Variants in CNTNAP2 observed in about 807,000 individuals in gnomAD.
CNTNAP2 encodes contactin associated protein 2.
Under a neutral mutation model 155.2 loss-of-function variants are expected in CNTNAP2, and 98 were observed. The observed-to-expected ratio is 0.63, with a 90% CI of 0.54 to 0.75. The LOEUF (loss-of-function observed/expected upper bound fraction) is 0.75. Among genes scored for constraint, CNTNAP2 ranks in the 30% least tolerant of loss-of-function variants. The pLI is 0.00. For missense variants in CNTNAP2, 1,727 were observed against 1,688.1 expected (o/e 1.02, Z -0.40); for synonymous variants, 651 against 631.2 (o/e 1.03, Z -0.47).
chr7:148,385,841 G>C (rs547805733), intron 22 of CNTNAP2, among the ~76,000 whole-genome samples: 1 of 145,432 alleles, frequency 6.9e-6, no homozygotes, highest in African/African-American at 2.6e-5. Context: ...GGGTTTAAGC[G>C]ATTCTCCTGC....
intron 1 of CNTNAP2, among the ~76,000 whole-genome samples, chr7:146,332,917 ATTTCTTCTTCTT>A (rs1801208586): frequency 6.8e-6 from 1 of 148,076 alleles, no homozygotes; most frequent in Non-Finnish European, 1.5e-5. Flanking sequence ...CCTGAGGGCA[ATTTCTTCTTCTT>A]TTTCTTCTTC....
intron 1 of CNTNAP2, among the ~76,000 whole-genome samples, chr7:146,758,079 C>A (rs1056875578): frequency 6.6e-6 from 1 of 152,158 alleles, no homozygotes; most frequent in African/African-American, 2.4e-5. Flanking sequence ...ATTCAGAAAT[C>A]TTTAATTGTT....
intron 13 of CNTNAP2, among the ~76,000 whole-genome samples, chr7:147,848,563 C>G (rs528596468): frequency 9.9e-5 from 15 of 151,612 alleles, no homozygotes; most frequent in Admixed American, 7.2e-4. Flanking sequence ...TCTTCTGCGT[C>G]ACTCACGCTG....
At chr7:147,183,562 AGTGT>A (rs112187548) in intron 8 of CNTNAP2, among the ~76,000 whole-genome samples, 96 of 151,366 alleles carry the variant, frequency 6.3e-4, no homozygotes, top group African/African-American at 2.2e-3. Context: ...TTGTTAAATA[AGTGT>A]GTGTGTGTGT....
intron 13 of CNTNAP2, among the ~76,000 whole-genome samples, chr7:147,763,698 C>T (rs1233225155): frequency 6.6e-6 from 1 of 152,190 alleles, no homozygotes; most frequent in Non-Finnish European, 1.5e-5. Context: ...CCAAGCCCTT[C>T]TTGCTTCAGT....
intron 13 of CNTNAP2, among the ~76,000 whole-genome samples, chr7:147,782,067 A>C (rs1262075182): frequency 6.6e-6 from 1 of 151,830 alleles, no homozygotes; most frequent in African/African-American, 2.4e-5. Context: ...GGTGACTATG[A>C]AGTAGAATCT....
intron 12 of CNTNAP2, among the ~76,000 whole-genome samples, chr7:147,625,015 A>G (rs2116899102): frequency 6.6e-6 from 1 of 152,324 alleles, no homozygotes; most frequent in African/African-American, 2.4e-5. Flanking sequence ...CAGAAAGACA[A>G]ACATCACATG....
At chr7:146,159,115 C>A (rs1584778513) in intron 1 of CNTNAP2, among the ~76,000 whole-genome samples, 1 of 152,120 alleles carries the variant, frequency 6.6e-6, no homozygotes, top group African/African-American at 2.4e-5. Context: ...AATTTTCAAC[C>A]CAGAATTTCA....
At chr7:146,457,607 G>C (rs1177406986) in intron 1 of CNTNAP2, among the ~76,000 whole-genome samples, 1 of 147,406 alleles carries the variant, frequency 6.8e-6, no homozygotes, top group Non-Finnish European at 1.5e-5. Flanking sequence ...AGGTTGAAGA[G>C]ATTCTCCTGC....
chr7:146,317,045 A>G (rs954912063), intron 1 of CNTNAP2, among the ~76,000 whole-genome samples: 1 of 152,320 alleles, frequency 6.6e-6, no homozygotes, highest in African/African-American at 2.4e-5. Flanking sequence ...TAATACCACA[A>G]CTTGGTACGT....
At chr7:148,328,826 A>C (rs894544963) in intron 21 of CNTNAP2, among the ~76,000 whole-genome samples, 3 of 151,708 alleles carry the variant, frequency 2.0e-5, no homozygotes, top group Admixed American at 6.6e-5. Flanking sequence ...AAATACAAAA[A>C]TTAGCCGGGC....
At chr7:147,131,043 CAT>C (rs1030172658) in intron 7 of CNTNAP2, among the ~76,000 whole-genome samples, 8 of 62,076 alleles carry the variant, frequency 1.3e-4, no homozygotes, top group African/African-American at 2.5e-4. Context: ...TATATATACA[CAT>C]ATATATATGT....
chr7:148,094,870 A>G (rs1332708583), intron 15 of CNTNAP2, among the ~76,000 whole-genome samples: 1 of 152,224 alleles, frequency 6.6e-6, no homozygotes, highest in Admixed American at 6.5e-5. Context: ...TTAGACATAG[A>G]TGGAGCTATC....
chr7:146,903,676 TAG>T (rs1409672973), intron 3 of CNTNAP2, among the ~76,000 whole-genome samples: 1 of 151,996 alleles, frequency 6.6e-6, no homozygotes, highest in Non-Finnish European at 1.5e-5. Flanking sequence ...CTCACAGACC[TAG>T]AGAGGAGAAA....
intron 20 of CNTNAP2, among the ~76,000 whole-genome samples, chr7:148,255,027 C>T (rs1014616569): frequency 2.0e-5 from 3 of 151,992 alleles, no homozygotes; most frequent in African/African-American, 7.3e-5. Flanking sequence ...AAATTATTAT[C>T]TAAAGTACTC....
At chr7:146,341,116 C>T (rs1801376041) in intron 1 of CNTNAP2, among the ~76,000 whole-genome samples, 1 of 152,104 alleles carries the variant, frequency 6.6e-6, no homozygotes, top group Non-Finnish European at 1.5e-5. Context: ...TTTGTTTAAA[C>T]ATTTTGATAC....
intron 1 of CNTNAP2, among the ~76,000 whole-genome samples, chr7:146,381,024 T>C (rs1795378772): frequency 6.6e-6 from 1 of 151,724 alleles, no homozygotes; most frequent in Admixed American, 6.6e-5. Flanking sequence ...GGTCTCGATC[T>C]CCTGACCTCG....
At chr7:147,749,606 A>T (rs542325216) in intron 13 of CNTNAP2, among the ~76,000 whole-genome samples, 1 of 152,140 alleles carries the variant, frequency 6.6e-6, no homozygotes, top group Non-Finnish European at 1.5e-5. Flanking sequence ...CAGCTATTAT[A>T]TTGTGAGATA....
At chr7:147,408,856 T>G (rs1200459559) in intron 10 of CNTNAP2, among the ~76,000 whole-genome samples, 5 of 152,098 alleles carry the variant, frequency 3.3e-5, no homozygotes. Flanking sequence ...GAAAATCAAG[T>G]TTTGCATGAC....
Sources: allele counts gnomAD v4.1 joint callset (sites outside exome capture counted in the v4.1 genomes callset), GRCh38; gene constraint gnomAD v4.1.1; transcripts MANE v1.5; gene names NCBI Gene and HGNC (gene_info 2026-07-23, HGNC 2026-07-21).